COL11A1: variants seen among roughly 807,000 people sequenced by gnomAD.
COL11A1 encodes collagen alpha-1(XI) chain.
In COL11A1, 74 loss-of-function variants were observed where a neutral mutation model predicts 265.2. The ratio of observed to expected loss-of-function variants is 0.28; its 90% CI spans 0.23 to 0.34. The LOEUF is 0.34. Among genes scored for constraint, COL11A1 ranks in the 10% least tolerant of loss-of-function variants. The pLI is 1.00. For synonymous variants in COL11A1, 816 were observed against 727.6 expected (o/e 1.12, Z -1.96); for missense variants, 2,165 against 2,263.6 (o/e 0.96, Z 0.88).
intron 4 of COL11A1, among the ~76,000 whole-genome samples, chr1:103,031,458 A>G (rs1667994219): frequency 6.6e-6 from 1 of 152,118 alleles, no homozygotes; most frequent in Admixed American, 6.6e-5. Context: ...ATTCTATGTT[A>G]TCTTCTGGCT....
At chr1:103,006,209 A>AT (rs1665599018) in intron 16 of COL11A1, 53 bp downstream of exon 16, 23 of 1,429,812 alleles carry the variant, frequency 1.6e-5, no homozygotes, top group South Asian at 3.1e-5. Flanking sequence ...AAATAAATAA[A>AT]ACTAATGATC....
intron 25 of COL11A1, among the ~76,000 whole-genome samples, chr1:102,998,075 G>A (rs538429662): frequency 6.6e-6 from 1 of 151,880 alleles, no homozygotes; most frequent in African/African-American, 2.4e-5. Flanking sequence ...TGAGATTCTG[G>A]GGAGGTTCTG....
rs752297521 is a variant in COL11A1 at position 103,108,183 on chromosome 1, G to T, written c.-5C>A. 6.2e-7 allele frequency: 1 copy of T among 1,612,780 alleles called. No individual in the cohort carries two copies. The highest frequency in any genetic ancestry group is 1.1e-5 in the South Asian group (1 of 90,992). On this transcript the variant is annotated 5_prime_UTR_variant, in exon 1 of 67. Coordinates refer to ENST00000370096, the MANE Select transcript of COL11A1 (RefSeq NM_001854.4). Reference sequence around the variant, plus strand: ...CCTAGAGGACCACGGCTCCATCTCCGAGCCCCGCACTCACAACTGTGAACT... The same window carrying T: ...CCTAGAGGACCACGGCTCCATCTCCTAGCCCCGCACTCACAACTGTGAACT...
At chr1:103,010,135 C>T (rs1665979699) in intron 14 of COL11A1, among the ~76,000 whole-genome samples, 1 of 152,126 alleles carries the variant, frequency 6.6e-6, no homozygotes, top group Non-Finnish European at 1.5e-5. Flanking sequence ...TTTTATGATA[C>T]AGTCCTCCAT....
At chr1:102,903,358 TTCATGCGTAAGATTCAA>T (rs1653477627) in intron 54 of COL11A1, among the ~76,000 whole-genome samples, 1 of 152,190 alleles carries the variant, frequency 6.6e-6, no homozygotes, top group Admixed American at 6.5e-5. Flanking sequence ...TTTATTATCA[TTCATGCGTAAGATTCAA>T]TCACAGAAAA....
intron 4 of COL11A1, among the ~76,000 whole-genome samples, chr1:103,052,149 TCTAC>T (rs1669888727): frequency 3.4e-5 from 1 of 29,508 alleles, no homozygotes; most frequent in South Asian, 6.3e-3. Flanking sequence ...TGGCCTTGTC[TCTAC>T]TCTAAGTACC....
At chr1:103,082,220 G>A (rs1422885998) in intron 2 of COL11A1, among the ~76,000 whole-genome samples, 1 of 151,972 alleles carries the variant, frequency 6.6e-6, no homozygotes, top group Non-Finnish European at 1.5e-5. Flanking sequence ...TCTAGTTTCA[G>A]GAGGGATAAC....
At chr1:103,066,667 T>C (rs1288575364) in intron 4 of COL11A1, among the ~76,000 whole-genome samples, 2 of 150,964 alleles carry the variant, frequency 1.3e-5, no homozygotes, top group Admixed American at 1.3e-4. Context: ...GCCACATCAA[T>C]AACAAATCAA....
chr1:102,931,914 G>C (rs1369499142), intron 46 of COL11A1, among the ~76,000 whole-genome samples: 14 of 151,152 alleles, frequency 9.3e-5, no homozygotes, highest in South Asian at 2.1e-4. Flanking sequence ...AGGATTGCAA[G>C]CCCTGCCTTT....
chr1:103,019,418 T>C (rs1207371477), intron 9 of COL11A1, among the ~76,000 whole-genome samples: 1 of 152,134 alleles, frequency 6.6e-6, no homozygotes, highest in Non-Finnish European at 1.5e-5. Flanking sequence ...ACTCCATCTT[T>C]GGACTGCTGA....
chr1:103,046,695 A>T (rs1669299260), intron 4 of COL11A1, among the ~76,000 whole-genome samples: 1 of 151,150 alleles, frequency 6.6e-6, no homozygotes, highest in Non-Finnish European at 1.5e-5. Flanking sequence ...CTATGTCCTG[A>T]ATGGTAATGC....
chr1:102,934,982 A>T, intron 45 of COL11A1, 78 bp downstream of exon 45: 1 of 1,355,492 alleles, frequency 7.4e-7, no homozygotes. Context: ...CACAAAATTG[A>T]CTGGTTATGG....
chr1:102,889,467 T>C lies in COL11A1; in HGVS notation c.4452A>G (p.Ala1484=), dbSNP rs1289745561. 13 of 1,613,026 alleles carry C rather than the reference T, an allele frequency of 8.1e-6. No homozygotes were observed. The highest frequency in any genetic ancestry group is 1.7e-5 in the Admixed American group (1 of 59,882). ...GLPGTQGSPG[A]KGDGGIPGPA... ...TATTTTTACTCACCCCATCCCCTTT[T>C]GCTCCTGGAGATCCTTGAGTTCCAG... The change falls in exon 59 of 67, where the codon GCA becomes GCG. Residue 1484 remains alanine, a synonymous_variant. Coordinates refer to ENST00000370096, the MANE Select transcript of COL11A1 (RefSeq NM_001854.4).
chr1:102,999,927 T>G lies in COL11A1; in HGVS notation c.2143-1564A>C, dbSNP rs184905084. ...ATTAAAAAGTGTTTTCCTCATATTT[T>G]TGAGTACCTTTCTCCTTTTGATGGT... On this transcript the variant is annotated intron_variant, in intron 24 of 66. Coordinates refer to ENST00000370096, the MANE Select transcript of COL11A1 (RefSeq NM_001854.4). Among the ~76,000 whole-genome samples the G allele has an allele frequency of 1.2e-3, 181 of 152,010 alleles. 1 individual carries two copies. The highest frequency in any genetic ancestry group is 4.2e-3 in the African/African-American group (173 of 41,550).
intron 30 of COL11A1, among the ~76,000 whole-genome samples, chr1:102,986,858 G>A (rs925893725): frequency 1.3e-5 from 2 of 152,068 alleles, no homozygotes; most frequent in Non-Finnish European, 2.9e-5. Flanking sequence ...ATAATTATCT[G>A]GGGATGTTTT....
intron 1 of COL11A1, among the ~76,000 whole-genome samples, chr1:103,083,945 G>A (rs573794332): frequency 2.6e-5 from 4 of 152,100 alleles, no homozygotes; most frequent in Non-Finnish European, 5.9e-5. Flanking sequence ...AAATATGTTT[G>A]GAACCTTAAA....
At chr1:103,019,620 G>T (rs1202116059) in intron 9 of COL11A1, among the ~76,000 whole-genome samples, 3 of 151,630 alleles carry the variant, frequency 2.0e-5, no homozygotes, top group African/African-American at 7.3e-5. Context: ...TAAGTTTTAG[G>T]GTACATGTGC....
At chr1:102,960,853 T>C (rs935611607) in intron 41 of COL11A1, among the ~76,000 whole-genome samples, 6 of 152,036 alleles carry the variant, frequency 3.9e-5, no homozygotes, top group Non-Finnish European at 7.4e-5. Context: ...ATGGGTATGA[T>C]AGAGGAATGC....
chr1:102,995,879 T>A lies in COL11A1; in HGVS notation c.2325A>T (p.Gly775=). Residue 775 remains glycine (G), a synonymous_variant, in exon 28 of 67, where the codon GGA becomes GGT. Transcript: ENST00000370096. ...KGADGVRGLK[G]SKGEKGEDGF... ...TAAATTTTACCTTTTCACCTTTAGA[T>A]CCCTTGAGACCTCTGACACCATCTG... 6.2e-7 allele frequency: 1 copy of A among 1,610,708 alleles called. No individual in the cohort carries two copies. The highest frequency in any genetic ancestry group is 8.5e-7 in the Non-Finnish European group (1 of 1,178,328).
Sources: gnomAD v4.1 joint callset for allele counts (sites outside exome capture counted in the v4.1 genomes callset) on GRCh38, gnomAD v4.1.1 for gene constraint, MANE v1.5 for transcripts, NCBI Gene and HGNC (gene_info 2026-07-23, HGNC 2026-07-21) for gene names.